Variants in MARCHF11 observed in about 807,000 individuals in gnomAD.
The protein encoded by MARCHF11 is membrane associated ring-CH-type finger 11.
A neutral mutation model predicts 37.3 loss-of-function variants in MARCHF11; 29 were observed. That is an observed-to-expected ratio of 0.78 (90% CI 0.58 to 1.06). The LOEUF (loss-of-function observed/expected upper bound fraction) is 1.06, where lower values mean the gene tolerates loss of function less well. MARCHF11 is among the 50% of genes least tolerant of loss of function. MARCHF11 has a pLI of 0.00. For missense variants in MARCHF11, 482 were observed against 533.4 expected (o/e 0.90, Z 0.95); for synonymous variants, 233 against 228.0 (o/e 1.02, Z -0.20).
chr5:16,091,133 G>GAAAA, intron 2 of MARCHF11, 52 bp from the exon 3 acceptor site: 3 of 1,114,732 alleles, frequency 2.7e-6, no homozygotes, highest in Non-Finnish European at 3.6e-6. Flanking sequence ...AATTAAAAAA[G>GAAAA]AAAAAAAAAC....
rs527657594 is a variant in MARCHF11 at position 16,086,595 on chromosome 5, T to A, written c.886+4294A>T. 2.0e-5 allele frequency among the ~76,000 whole-genome samples: 3 copies of A among 152,314 alleles called. No individual in the cohort carries two copies. The South Asian group carries it at 6.2e-4, about 32-fold the overall frequency. On this transcript the variant is annotated intron_variant, in intron 3 of 3. Coordinates refer to ENST00000332432, the MANE Select transcript of MARCHF11 (RefSeq NM_001102562.3). ...TAGAGCTGGTACAAGCACTACTATC[T>A]CTATTTTGCAAATACCACTGACGAT...
chr5:16,160,339 A>G (rs960025946), intron 2 of MARCHF11, among the ~76,000 whole-genome samples: 4 of 143,056 alleles, frequency 2.8e-5, no homozygotes, highest in Non-Finnish European at 6.1e-5. Context: ...AATTTAATAT[A>G]TTAATTATAT....
chr5:16,076,205 G>A (rs1159008922), intron 3 of MARCHF11, among the ~76,000 whole-genome samples: 1 of 152,118 alleles, frequency 6.6e-6, no homozygotes, highest in Admixed American at 6.6e-5. Context: ...TAACCCTGGA[G>A]AACAAACCCA....
intron 2 of MARCHF11, among the ~76,000 whole-genome samples, chr5:16,173,952 T>A (rs1269065924): frequency 6.6e-6 from 1 of 152,240 alleles, no homozygotes; most frequent in Non-Finnish European, 1.5e-5. Flanking sequence ...AAATAACAGA[T>A]ATTACCTTCC....
chr5:16,146,586 T>G (rs1249663907), intron 2 of MARCHF11, among the ~76,000 whole-genome samples: 2 of 151,948 alleles, frequency 1.3e-5, no homozygotes, highest in Non-Finnish European at 2.9e-5. Context: ...GAGTTTGGAG[T>G]ATATGATGTC....
chr5:16,087,274 G>A (rs560576941), intron 3 of MARCHF11, among the ~76,000 whole-genome samples: 1 of 152,300 alleles, frequency 6.6e-6, no homozygotes, highest in Admixed American at 6.5e-5. Flanking sequence ...TGTCAAACAT[G>A]TCTCTCCTTT....
rs542722271 is a variant in MARCHF11, at chr5:16,122,985, C to T, written c.694-31904G>A. 6.6e-5 allele frequency among the ~76,000 whole-genome samples: 10 copies of T among 152,314 alleles called. No individual in the cohort carries two copies. The South Asian group carries it at 2.1e-3, about 32-fold the overall frequency. On this transcript the variant is annotated intron_variant, in intron 2 of 3. Coordinates refer to ENST00000332432, the MANE Select transcript of MARCHF11 (RefSeq NM_001102562.3). ...TTCTTTCAGTGTTGATGCTGTGAGG[C>T]TGTAAATGCAGTGGGATTTCCTCAT... is the stretch of plus-strand genomic sequence containing the variant.
intron 2 of MARCHF11, among the ~76,000 whole-genome samples, chr5:16,117,085 T>C (rs996814894): frequency 1.2e-4 from 19 of 152,134 alleles, no homozygotes; most frequent in Non-Finnish European, 1.3e-4. Context: ...GATACTGCAG[T>C]AGTAACTGCA....
intron 2 of MARCHF11, among the ~76,000 whole-genome samples, chr5:16,117,967 C>T (rs531267916): frequency 2.1e-4 from 32 of 152,264 alleles, no homozygotes; most frequent in African/African-American, 7.5e-4. Context: ...ACAGGCTGCT[C>T]TAAAAGAGGG....
intron 3 of MARCHF11, among the ~76,000 whole-genome samples, chr5:16,083,337 T>G (rs1339301138): frequency 6.6e-6 from 1 of 152,206 alleles, no homozygotes; most frequent in African/African-American, 2.4e-5. Context: ...CCTAAAGTCT[T>G]CAGTGGACAT....
intron 3 of MARCHF11, among the ~76,000 whole-genome samples, chr5:16,076,832 G>A (rs1037243174): frequency 2.0e-5 from 3 of 152,186 alleles, no homozygotes; most frequent in African/African-American, 7.2e-5. Flanking sequence ...CAGACATCGG[G>A]AGCCATCCTC....
At chr5:16,161,967 A>G (rs1486143647) in intron 2 of MARCHF11, among the ~76,000 whole-genome samples, 1 of 152,052 alleles carries the variant, frequency 6.6e-6, no homozygotes, top group Non-Finnish European at 1.5e-5. Context: ...AGGAGAACAC[A>G]GGTCTAAAAT....
At position 16,132,962 on chromosome 5, in the gene MARCHF11, C is replaced by T. The variant is rs146896552; in HGVS notation, c.694-41881G>A. On this transcript the variant is annotated intron_variant, in intron 2 of 3. Transcript: ENST00000332432. ...TAGGAATGGATGCAAAAAATAAAGA[C>T]GTAGTGAAGGAAATCTTCATGTACT... 2.9e-3 allele frequency among the ~76,000 whole-genome samples: 434 copies of T among 152,114 alleles called. 6 individuals carry two copies. The highest frequency in any genetic ancestry group is 9.4e-3 in the African/African-American group (391 of 41,502).
At chr5:16,134,994 TCTCTCA>T (rs1737583008) in intron 2 of MARCHF11, among the ~76,000 whole-genome samples, 1 of 133,704 alleles carries the variant, frequency 7.5e-6, no homozygotes, top group Non-Finnish European at 1.6e-5. Context: ...TCTCTCTCTC[TCTCTCA>T]CACACACACA....
At chr5:16,120,525 A>G (rs1249875109) in intron 2 of MARCHF11, among the ~76,000 whole-genome samples, 2 of 152,176 alleles carry the variant, frequency 1.3e-5, no homozygotes, top group Non-Finnish European at 2.9e-5. Flanking sequence ...TGGCTTTCCA[A>G]CTTATATTTA....
At chr5:16,076,087 T>C (rs1736511577) in intron 3 of MARCHF11, among the ~76,000 whole-genome samples, 2 of 152,124 alleles carry the variant, frequency 1.3e-5, no homozygotes, top group South Asian at 4.1e-4. Context: ...AAAAAGGAAA[T>C]TGTCCATTCC....
chr5:16,112,600 A>C (rs1737162869), intron 2 of MARCHF11, among the ~76,000 whole-genome samples: 1 of 152,228 alleles, frequency 6.6e-6, no homozygotes, highest in South Asian at 2.1e-4. Context: ...GCCTTGTCTC[A>C]GATGAGACTT....
chr5:16,089,621 T>C (rs1736759563), intron 3 of MARCHF11, among the ~76,000 whole-genome samples: 1 of 151,258 alleles, frequency 6.6e-6, no homozygotes, highest in Non-Finnish European at 1.5e-5. Flanking sequence ...AAAAAAATCA[T>C]GCTGACAATA....
At chr5:16,150,248 G>C (rs1299082522) in intron 2 of MARCHF11, among the ~76,000 whole-genome samples, 1 of 149,630 alleles carries the variant, frequency 6.7e-6, no homozygotes, top group Non-Finnish European at 1.5e-5. Context: ...GGAGTTATGA[G>C]AGCTAATTCC....
Sources: allele counts gnomAD v4.1 joint callset (sites outside exome capture counted in the v4.1 genomes callset), GRCh38; gene constraint gnomAD v4.1.1; transcripts MANE v1.5; gene names NCBI Gene and HGNC (gene_info 2026-07-23, HGNC 2026-07-21).